FRMD4A: variants seen among roughly 807,000 people sequenced by gnomAD.
FRMD4A encodes the protein FERM domain-containing protein 4A.
A neutral mutation model predicts 129.1 loss-of-function variants in FRMD4A; 29 were observed. The ratio of observed to expected loss-of-function variants is 0.22; its 90% CI spans 0.17 to 0.31. FRMD4A has a LOEUF of 0.31. Among genes scored for constraint, FRMD4A ranks in the 10% least tolerant of loss-of-function variants. The pLI is 1.00. For synonymous variants in FRMD4A, 634 were observed against 571.6 expected, an observed-to-expected ratio of 1.11 and a Z score of -1.56; for missense variants, 1,272 against 1,375.8, an observed-to-expected ratio of 0.92 and a Z score of 1.19.
At chr10:13,974,878 C>A (rs1219102480) in intron 2 of FRMD4A, among the ~76,000 whole-genome samples, 2 of 152,232 alleles carry the variant, frequency 1.3e-5, no homozygotes, top group Non-Finnish European at 2.9e-5. Flanking sequence ...CAGCTCCCCA[C>A]GTGGCCTCTG....
intron 13 of FRMD4A, among the ~76,000 whole-genome samples, chr10:13,704,430 C>G (rs745431385): frequency 6.6e-6 from 1 of 152,168 alleles, no homozygotes; most frequent in Non-Finnish European, 1.5e-5. Flanking sequence ...CCACTTCCCT[C>G]CAGCCAGACC....
intron 2 of FRMD4A, among the ~76,000 whole-genome samples, chr10:13,991,355 A>G (rs2095602627): frequency 6.6e-6 from 1 of 152,158 alleles, no homozygotes; most frequent in Non-Finnish European, 1.5e-5. Context: ...CCCCAGGCAT[A>G]GCTGCAGCTT....
At chr10:13,729,815 G>T (rs1016854116) in intron 12 of FRMD4A, among the ~76,000 whole-genome samples, 1 of 152,174 alleles carries the variant, frequency 6.6e-6, no homozygotes, top group African/African-American at 2.4e-5. Flanking sequence ...TGCTGAATAT[G>T]TAACAAGGAC....
At chr10:14,093,049 CA>C (rs1836746730) in intron 2 of FRMD4A, among the ~76,000 whole-genome samples, 1 of 152,114 alleles carries the variant, frequency 6.6e-6, no homozygotes, top group Non-Finnish European at 1.5e-5. Flanking sequence ...GCTAAGGATC[CA>C]AGGCCAAGGC....
At chr10:13,718,495 G>A (rs954629450) in intron 12 of FRMD4A, among the ~76,000 whole-genome samples, 1 of 152,204 alleles carries the variant, frequency 6.6e-6, no homozygotes, top group Non-Finnish European at 1.5e-5. Context: ...TTCTCTCTAC[G>A]GATCCTCTTG....
intron 2 of FRMD4A, among the ~76,000 whole-genome samples, chr10:14,187,330 A>G (rs970569163): frequency 4.6e-5 from 7 of 152,212 alleles, no homozygotes; most frequent in Non-Finnish European, 7.3e-5. Context: ...TTTCACAGAT[A>G]AGTAAATTGA....
chr10:14,261,402 G>A (rs1283712576), intron 2 of FRMD4A, among the ~76,000 whole-genome samples: 1 of 152,150 alleles, frequency 6.6e-6, no homozygotes, highest in Non-Finnish European at 1.5e-5. Flanking sequence ...TAATCTGACT[G>A]CTGTTGTCTA....
rs527698762 is a variant in FRMD4A, at chr10:14,188,749, C to A, written c.45+141309G>T. On this transcript the variant is annotated intron_variant, in intron 2 of 24. Transcript: ENST00000357447. ...GTGAGACCCCGTCCCTACGAAAAATCAAAAAATTAGCTGAGCACCAGTGGC... is the reference window on the plus strand; with the variant it reads ...GTGAGACCCCGTCCCTACGAAAAATAAAAAAATTAGCTGAGCACCAGTGGC... 3.9e-5 allele frequency among the ~76,000 whole-genome samples: 6 copies of A among 152,256 alleles called. No individual in the cohort carries two copies. The South Asian group carries it at 8.3e-4, about 21-fold the overall frequency.
At chr10:13,779,849 C>T (rs8181376) in intron 6 of FRMD4A, among the ~76,000 whole-genome samples, 53,516 of 151,136 alleles carry the variant, frequency 0.35, 9,513 homozygotes, top group Middle Eastern at 0.43. Context: ...AAACAATTCA[C>T]ATAAAGCACT....
chr10:14,080,516 C>A (rs1421452798), intron 2 of FRMD4A, among the ~76,000 whole-genome samples: 1 of 151,992 alleles, frequency 6.6e-6, no homozygotes, highest in Non-Finnish European at 1.5e-5. Flanking sequence ...AAGTTCTATC[C>A]TCAGGCCATG....
chr10:13,972,131 G>T, intron 2 of FRMD4A: 1 of 1,074,416 alleles, frequency 9.3e-7, no homozygotes, highest in Non-Finnish European at 1.1e-6. Context: ...TTTCTCAGTG[G>T]ACTGAGGCTG....
In FRMD4A at chr10:13,821,320, G is replaced by C. The variant is rs747922405; in HGVS notation, c.112-10412C>G. 1.3e-5 allele frequency among the ~76,000 whole-genome samples: 2 copies of C among 152,246 alleles called. No homozygotes were observed. Among genetic ancestry groups the C allele is most frequent in the South Asian group, 4.1e-4 (2 of 4,822 alleles). The stretch of plus-strand genomic sequence containing the variant: ...GGAGGCTACTTCCTGTAGGCAGACG[G>C]GTGTGAAGAACAATGGAGTTGCACT... On this transcript the variant is annotated intron_variant, in intron 3 of 24. Coordinates refer to ENST00000357447, the MANE Select transcript of FRMD4A (RefSeq NM_018027.5). The surrounding 1 kb of genome is among the most constrained non-coding windows in gnomAD (Gnocchi z 4.3).
At chr10:13,664,484 T>A (rs1289056362) in intron 18 of FRMD4A, among the ~76,000 whole-genome samples, 1 of 151,988 alleles carries the variant, frequency 6.6e-6, no homozygotes, top group Non-Finnish European at 1.5e-5. Context: ...AGCAAAAGAA[T>A]TTTAAAAAAT....
chr10:14,243,196 G>A (rs1218395), intron 2 of FRMD4A, among the ~76,000 whole-genome samples: 123,239 of 151,700 alleles, frequency 0.81, 50,467 homozygotes, highest in Non-Finnish European at 0.87. Flanking sequence ...CAGTGATATA[G>A]TTTGGCTCTG....
At chr10:13,769,341 C>CTCTG (rs2092386880) in intron 6 of FRMD4A, among the ~76,000 whole-genome samples, 1 of 151,744 alleles carries the variant, frequency 6.6e-6, no homozygotes, top group Non-Finnish European at 1.5e-5. Flanking sequence ...CAGGGTCTTG[C>CTCTG]TCTGTCACCC....
intron 5 of FRMD4A, among the ~76,000 whole-genome samples, chr10:13,786,956 T>C (rs1358071028): frequency 6.6e-6 from 1 of 152,214 alleles, no homozygotes; most frequent in Non-Finnish European, 1.5e-5. Context: ...AATTTTCTCC[T>C]GAATAGTATA....
At chr10:13,701,186 C>G (rs1270931522) in intron 14 of FRMD4A, among the ~76,000 whole-genome samples, 154 bp downstream of exon 14, 1 of 152,076 alleles carries the variant, frequency 6.6e-6, no homozygotes, top group Non-Finnish European at 1.5e-5. Flanking sequence ...TAGTCTCATC[C>G]CTCCCATCTG....
In FRMD4A at chr10:13,769,607, G is replaced by A. The variant is rs1355470024; in HGVS notation, c.385-6927C>T. Among the ~76,000 whole-genome samples, 7 of 152,220 alleles carry A rather than the reference G, an allele frequency of 4.6e-5. No homozygotes were observed. In the East Asian group the frequency reaches 1.3e-3, roughly 29 times the overall value. ...TTACAGGCATGAGCCACTGTGTCCG[G>A]CCCCGAGTTGCCCAGATTAAACAGT... On this transcript the variant is annotated intron_variant, in intron 6 of 24. Coordinates refer to ENST00000357447, the MANE Select transcript of FRMD4A (RefSeq NM_018027.5).
At chr10:13,977,202 G>T (rs1245814860) in intron 2 of FRMD4A, among the ~76,000 whole-genome samples, 12 of 152,192 alleles carry the variant, frequency 7.9e-5, no homozygotes. Context: ...GATTTCTTTT[G>T]TGCTTTGTGA....
Sources: gnomAD v4.1 joint callset for allele counts (sites outside exome capture counted in the v4.1 genomes callset) on GRCh38, gnomAD v4.1.1 for gene constraint, Gnocchi (gnomAD v3.1) non-coding constraint, MANE v1.5 for transcripts, NCBI Gene and HGNC (gene_info 2026-07-23, HGNC 2026-07-21) for gene names.